CNGA1: variants seen among roughly 807,000 people sequenced by gnomAD.
The protein encoded by CNGA1 is cyclic nucleotide gated channel subunit alpha 1.
A neutral mutation model predicts 69.7 loss-of-function variants in CNGA1; 53 were observed. The ratio of observed to expected loss-of-function variants is 0.76; its 90% CI spans 0.61 to 0.96. CNGA1 has a LOEUF of 0.96. Ranked by LOEUF, CNGA1 falls within the 40% of genes least tolerant of loss-of-function variation. The pLI is 0.00. For missense variants in CNGA1, 739 were observed against 811.2 expected (o/e 0.91, Z 1.08); for synonymous variants, 249 against 283.5 (o/e 0.88, Z 1.22).
At chr4:47,994,886 C>T (rs1742418503) in intron 2 of CNGA1, among the ~76,000 whole-genome samples, 2 of 152,060 alleles carry the variant, frequency 1.3e-5, no homozygotes, top group Non-Finnish European at 2.9e-5. Context: ...GTGGTGAATT[C>T]TTTCAGCTTT....
chr4:47,997,078 G>A (rs1742501697), intron 2 of CNGA1, among the ~76,000 whole-genome samples: 1 of 151,886 alleles, frequency 6.6e-6, no homozygotes, highest in African/African-American at 2.4e-5. Context: ...CAAAAACTTA[G>A]GTAAATATGA....
Position 47,936,079 on chromosome 4 carries a change from A to G in CNGA1, c.*342T>C, listed in dbSNP as rs186362115. On this transcript the variant is annotated 3_prime_UTR_variant, in exon 11 of 11. Transcript: ENST00000514170. Reference sequence around the variant, plus strand: ...AGTTACTTCAAATACGCTTCACTCAACAATGGAAATGGCATGAAAGTGAGG... The same window carrying G: ...AGTTACTTCAAATACGCTTCACTCAGCAATGGAAATGGCATGAAAGTGAGG... The G allele has an allele frequency of 1.6e-3, 515 of 324,288 alleles. 6 individuals carry two copies. Among genetic ancestry groups the G allele is most frequent in the Non-Finnish European group, 3.0e-4 (52 of 174,412 alleles). The allele number at this position is 324,288 out of a possible 1,614,324, so 20.1% of individuals were successfully genotyped here. A position where few individuals can be genotyped will look rare whatever the true frequency, so the allele number is the denominator to read the frequency against.
intron 2 of CNGA1, among the ~76,000 whole-genome samples, chr4:47,992,247 G>T (rs983188908): frequency 2.6e-5 from 4 of 152,126 alleles, no homozygotes; most frequent in African/African-American, 9.6e-5. Flanking sequence ...TTTGTAGCTT[G>T]CTTTTGATAG....
intron 8 of CNGA1, among the ~76,000 whole-genome samples, chr4:47,942,450 C>G (rs1025741164): frequency 2.0e-5 from 3 of 150,020 alleles, no homozygotes; most frequent in Admixed American, 1.3e-4. Flanking sequence ...CAATGCCACT[C>G]TTCTCATTAA....
intron 1 of CNGA1, 94 bp downstream of exon 1, chr4:48,016,389 C>G (rs1193620439): frequency 5.6e-6 from 1 of 178,622 alleles, no homozygotes; most frequent in Non-Finnish European, 1.2e-5. Context: ...CCAAAAGCAG[C>G]AGGGCTCTCT....
At chr4:47,940,483 T>C (rs1300324665) in intron 10 of CNGA1, among the ~76,000 whole-genome samples, 1 of 152,230 alleles carries the variant, frequency 6.6e-6, no homozygotes, top group Non-Finnish European at 1.5e-5. Flanking sequence ...ATTTCTGCTC[T>C]CTCTATTCCT....
chr4:47,962,068 G>A (rs1008558031), intron 3 of CNGA1, among the ~76,000 whole-genome samples: 5 of 152,154 alleles, frequency 3.3e-5, no homozygotes, highest in Non-Finnish European at 4.4e-5. Context: ...AATTATGGCC[G>A]GGCGCGGTGG....
chr4:47,936,503 T>C lies in CNGA1; in HGVS notation c.1979A>G (p.Lys660Arg). The change falls in exon 11 of 11, where the codon AAA becomes AGA. Residue 660 changes from lysine to arginine, a missense_variant. Coordinates refer to ENST00000514170, the MANE Select transcript of CNGA1 (RefSeq NM_001379270.1). ...KLKQRLTKVEKFLKPLIDTEF... is the reference protein window; with the variant it reads ...KLKQRLTKVERFLKPLIDTEF... ...TGTGTCAATAAGCGGTTTCAGAAAT[T>C]TCTCAACCTTGGTTAATCTTTGTTT... 6.2e-7 allele frequency: 1 copy of C among 1,614,188 alleles called. No individual in the cohort carries two copies. The highest frequency in any genetic ancestry group is 1.1e-5 in the South Asian group (1 of 91,086).
chr4:48,002,246 A>G (rs1714693462), intron 2 of CNGA1, among the ~76,000 whole-genome samples: 1 of 152,202 alleles, frequency 6.6e-6, no homozygotes, highest in African/African-American at 2.4e-5. Flanking sequence ...AATAAAGGTA[A>G]GAGCTAGTTC....
chr4:47,943,447 A>G (rs1739217795), intron 6 of CNGA1, 35 bp from the exon 7 acceptor site: 1 of 1,209,424 alleles, frequency 8.3e-7, no homozygotes, highest in Non-Finnish European at 1.2e-6. Flanking sequence ...TCACATAATC[A>G]CAGTCTTCCA....
chr4:48,012,198 G>T (rs1374357187), intron 1 of CNGA1, among the ~76,000 whole-genome samples: 1 of 152,176 alleles, frequency 6.6e-6, no homozygotes. Flanking sequence ...GAGAATTTAT[G>T]ATTTGTAGGG....
chr4:47,955,521 G>C (rs1382032300), intron 3 of CNGA1, among the ~76,000 whole-genome samples: 1 of 152,066 alleles, frequency 6.6e-6, no homozygotes, highest in African/African-American at 2.4e-5. Flanking sequence ...TATGCTATGA[G>C]AACAGATTAT....
In CNGA1 at chr4:47,970,244, C is replaced by T. The variant is rs1293560865; in HGVS notation, c.-15+11149G>A. On this transcript the variant is annotated intron_variant, in intron 3 of 10. Coordinates refer to ENST00000514170, the MANE Select transcript of CNGA1 (RefSeq NM_001379270.1). ...AGTTATGCAGAATAACTATGAGGAA[C>T]AGTGACTTAACGTTGAAGAACACAG... 2.6e-5 allele frequency among the ~76,000 whole-genome samples: 4 copies of T among 152,224 alleles called. No individual in the cohort carries two copies. The East Asian group carries it at 7.7e-4, about 29-fold the overall frequency.
At chr4:47,954,828 C>G (rs1739965699) in intron 3 of CNGA1, among the ~76,000 whole-genome samples, 1 of 152,180 alleles carries the variant, frequency 6.6e-6, no homozygotes, top group African/African-American at 2.4e-5. Flanking sequence ...GCTGAAGGCC[C>G]TCTGGGTGTA....
intron 2 of CNGA1, among the ~76,000 whole-genome samples, chr4:48,009,712 G>A (rs1715068725): frequency 6.6e-6 from 1 of 151,986 alleles, no homozygotes; most frequent in African/African-American, 2.4e-5. Flanking sequence ...GCTGAGGCAG[G>A]AGAATTGCTT....
At chr4:47,971,123 G>T in intron 3 of CNGA1, 1 of 452,828 alleles carries the variant, frequency 2.2e-6, no homozygotes, top group Non-Finnish European at 4.4e-6. Flanking sequence ...AATACAGTAT[G>T]CTACCATTTG....
chr4:47,977,835 T>C (rs539939342), intron 3 of CNGA1, among the ~76,000 whole-genome samples: 8 of 151,840 alleles, frequency 5.3e-5, no homozygotes, highest in African/African-American at 1.9e-4. Flanking sequence ...GTGATTTTTT[T>C]TTTTTCTTGA....
intron 3 of CNGA1, among the ~76,000 whole-genome samples, chr4:47,972,697 T>C (rs771365850): frequency 6.6e-6 from 1 of 152,250 alleles, no homozygotes; most frequent in Non-Finnish European, 1.5e-5. Flanking sequence ...GTCTGCTTTT[T>C]TGAGTTGGGT....
chr4:47,974,950 CTATTGTAA>C (rs750343393), intron 3 of CNGA1, among the ~76,000 whole-genome samples: 14 of 151,960 alleles, frequency 9.2e-5, no homozygotes, highest in Non-Finnish European at 1.9e-4. Flanking sequence ...CCTGCTCTGC[CTATTGTAA>C]TAAGTCTCGA....
Sources: gnomAD v4.1 joint callset for allele counts (sites outside exome capture counted in the v4.1 genomes callset) on GRCh38, gnomAD v4.1.1 for gene constraint, MANE v1.5 for transcripts, NCBI Gene and HGNC (gene_info 2026-07-23, HGNC 2026-07-21) for gene names.